HELZ: variants seen among roughly 807,000 people sequenced by gnomAD.
HELZ encodes the protein ATP-dependent RNA helicase with zinc finger domain.
In HELZ, 23 loss-of-function variants were observed where a neutral mutation model predicts 218.2. The ratio of observed to expected loss-of-function variants is 0.11; its 90% confidence interval spans 0.08 to 0.15. The LOEUF (loss-of-function observed/expected upper bound fraction) is 0.15. Ranked by LOEUF, HELZ falls within the 10% of genes least tolerant of loss-of-function variation. The pLI is 1.00. For synonymous variants in HELZ, 814 were observed against 829.4 expected (o/e 0.98, Z 0.32); for missense variants, 1,813 against 2,353.7 (o/e 0.77, Z 4.75).
chr17:67,124,757 T>C (rs1468522162), intron 24 of HELZ, among the ~76,000 whole-genome samples: 1 of 152,142 alleles, frequency 6.6e-6, no homozygotes, highest in Admixed American at 6.5e-5. Context: ...CAGTGCAGGA[T>C]TTATTAAATA....
intron 17 of HELZ, among the ~76,000 whole-genome samples, chr17:67,153,411 G>A (rs890373950): frequency 1.3e-5 from 2 of 152,114 alleles, no homozygotes; most frequent in Admixed American, 1.3e-4. Flanking sequence ...CTCTTCTGAT[G>A]GCTTCTACTC....
chr17:67,241,653 T>A (rs904746339), intron 2 of HELZ, among the ~76,000 whole-genome samples: 1 of 152,234 alleles, frequency 6.6e-6, no homozygotes, highest in Non-Finnish European at 1.5e-5. Context: ...CATTTTAATA[T>A]CTATGGCATT....
At chr17:67,139,072 A>G (rs1171275707) in intron 21 of HELZ, among the ~76,000 whole-genome samples, 1 of 151,686 alleles carries the variant, frequency 6.6e-6, no homozygotes, top group Non-Finnish European at 1.5e-5. Context: ...TCGTTTCTTT[A>G]TTATTTACTA....
chr17:67,127,080 A>C (rs1469687589), intron 24 of HELZ, among the ~76,000 whole-genome samples: 1 of 152,184 alleles, frequency 6.6e-6, no homozygotes, highest in Non-Finnish European at 1.5e-5. Context: ...CTCTGCCTTA[A>C]GTGAGCTTAT....
chr17:67,235,347 A>G (rs1258410099), intron 3 of HELZ, among the ~76,000 whole-genome samples: 2 of 152,162 alleles, frequency 1.3e-5, no homozygotes, highest in Non-Finnish European at 2.9e-5. Flanking sequence ...TCTACTAAAA[A>G]TACAAAAATT....
At chr17:67,134,544 A>AT (rs1216702677) in intron 23 of HELZ, among the ~76,000 whole-genome samples, 3 of 151,916 alleles carry the variant, frequency 2.0e-5, no homozygotes, top group Middle Eastern at 3.4e-3. Context: ...TAAAAAAGAA[A>AT]TTTTTTTTTC....
chr17:67,095,570 C>G (rs1183021568), intron 31 of HELZ, among the ~76,000 whole-genome samples: 1 of 152,020 alleles, frequency 6.6e-6, no homozygotes, highest in Non-Finnish European at 1.5e-5. Flanking sequence ...GGAAGAAATT[C>G]CTCATCTACC....
chr17:67,117,101 C>T (rs1379758832), intron 27 of HELZ, among the ~76,000 whole-genome samples: 1 of 152,078 alleles, frequency 6.6e-6, no homozygotes, highest in Non-Finnish European at 1.5e-5. Context: ...GTGATCCGCT[C>T]ACCTCAGCCT....
chr17:67,177,740 A>C (rs1303663835), intron 13 of HELZ, among the ~76,000 whole-genome samples: 2 of 152,056 alleles, frequency 1.3e-5, no homozygotes, highest in African/African-American at 4.8e-5. Context: ...TGTAAATTTT[A>C]CATGTATTTA....
intron 13 of HELZ, 79 bp downstream of exon 13, chr17:67,178,580 G>A: frequency 8.4e-7 from 1 of 1,185,244 alleles, no homozygotes; most frequent in Non-Finnish European, 1.2e-6. Flanking sequence ...CTTCACTTAG[G>A]CACACTTTCA....
chr17:67,203,487 G>A, intron 5 of HELZ, 44 bp from the exon 6 acceptor site: 1 of 1,603,820 alleles, frequency 6.2e-7, no homozygotes, highest in Non-Finnish European at 8.5e-7. Context: ...GACATTTAAT[G>A]CACATTTTTC....
Position 67,096,164 on chromosome 17 carries a change from C to A in HELZ, c.5242-9083G>T, listed in dbSNP as rs80185049. 4.7e-3 allele frequency among the ~76,000 whole-genome samples: 633 copies of A among 136,048 alleles called. 6 individuals are homozygous for A. The highest frequency in any genetic ancestry group is 0.016 in the African/African-American group (591 of 35,894). 89.3% of individuals were successfully genotyped at this position (136,048 alleles called of 152,430 possible). A position where few individuals can be genotyped will look rare whatever the true frequency, so the allele number is the denominator to read the frequency against. Reference sequence around the variant, plus strand: ...CCCCCTCCCCCGCCCACCAGCAAAGCAGTAGGTCTCAATAGTGGGTTTAAA... The same window carrying A: ...CCCCCTCCCCCGCCCACCAGCAAAGAAGTAGGTCTCAATAGTGGGTTTAAA... On this transcript the variant is annotated intron_variant, in intron 31 of 32. Coordinates refer to ENST00000358691, the MANE Select transcript of HELZ (RefSeq NM_014877.4).
intron 17 of HELZ, among the ~76,000 whole-genome samples, chr17:67,151,911 T>C (rs756730522): frequency 6.1e-4 from 93 of 152,186 alleles, no homozygotes; most frequent in Non-Finnish European, 1.2e-3. Context: ...AACCTACCCA[T>C]GTAACAAAGA....
intron 26 of HELZ, among the ~76,000 whole-genome samples, chr17:67,122,540 C>T (rs947749751): frequency 6.7e-6 from 1 of 150,166 alleles, no homozygotes; most frequent in African/African-American, 2.5e-5. Context: ...AGTGAGACCC[C>T]GTCTCAAAAA....
chr17:67,209,544 G>A (rs1212602837), intron 5 of HELZ, among the ~76,000 whole-genome samples: 2 of 152,184 alleles, frequency 1.3e-5, no homozygotes, highest in African/African-American at 4.8e-5. Flanking sequence ...GTTGCAGTGA[G>A]CTAAGATCAC....
intron 17 of HELZ, among the ~76,000 whole-genome samples, chr17:67,155,143 A>G (rs2038801629): frequency 6.6e-6 from 1 of 152,240 alleles, no homozygotes. Flanking sequence ...TGTGTGTACA[A>G]AAGGATGTGC....
At chr17:67,120,730 G>T in intron 26 of HELZ, 118 bp from the exon 27 acceptor site, 1 of 648,656 alleles carries the variant, frequency 1.5e-6, no homozygotes, top group South Asian at 1.9e-5. Flanking sequence ...CACACACACA[G>T]ATGTTAATTT....
chr17:67,078,249 T>C lies in HELZ; in HGVS notation c.*3A>G. 6.4e-7 allele frequency: 1 copy of C among 1,565,760 alleles called. No individual in the cohort carries two copies. Among genetic ancestry groups the C allele is most frequent in the South Asian group, 1.1e-5 (1 of 87,882 alleles). On this transcript the variant is annotated 3_prime_UTR_variant, in exon 33 of 33. Coordinates refer to ENST00000358691, the MANE Select transcript of HELZ (RefSeq NM_014877.4). ...ATTCTCCCTTGAGGGAAAAAAAAAG[T>C]GATTATTTAAAATATGAGTAAAAGC...
chr17:67,222,754 G>A (rs949988081), intron 3 of HELZ, among the ~76,000 whole-genome samples: 7 of 152,192 alleles, frequency 4.6e-5, no homozygotes, highest in Non-Finnish European at 7.3e-5. Context: ...AAGTCAAAAT[G>A]AGAAAACATC....
Sources: gnomAD v4.1 joint callset for allele counts (sites outside exome capture counted in the v4.1 genomes callset) on GRCh38, gnomAD v4.1.1 for gene constraint, MANE v1.5 for transcripts, NCBI Gene and HGNC (gene_info 2026-07-23, HGNC 2026-07-21) for gene names.